RALYL: variants seen among roughly 807,000 people sequenced by gnomAD.
RALYL encodes the protein RALY RNA binding protein like, also known as RNA-binding Raly-like protein.
Under a neutral mutation model 35.1 loss-of-function variants are expected in RALYL, and 29 were observed. The ratio of observed to expected loss-of-function variants is 0.83; its 90% CI spans 0.61 to 1.13. The LOEUF (loss-of-function observed/expected upper bound fraction) is 1.13, where lower values mean the gene tolerates loss of function less well. RALYL is among the 50% of genes most tolerant of loss of function. The pLI is 0.00. For synonymous variants in RALYL, 120 were observed against 127.6 expected (o/e 0.94, Z 0.40); for missense variants, 359 against 360.4 (o/e 1.00, Z 0.03).
At chr8:84,318,828 C>A (rs1844266121) in intron 1 of RALYL, among the ~76,000 whole-genome samples, 1 of 151,986 alleles carries the variant, frequency 6.6e-6, no homozygotes, top group Admixed American at 6.6e-5. Flanking sequence ...GAAGCATGTC[C>A]ATTAGTTTCA....
At chr8:84,865,457 T>C (rs1839005658) in intron 6 of RALYL, among the ~76,000 whole-genome samples, 1 of 152,094 alleles carries the variant, frequency 6.6e-6, no homozygotes, top group Admixed American at 6.6e-5. Context: ...ATAAAGAAAA[T>C]ATATTAATGT....
At chr8:84,909,274 G>A (rs1056500046) in intron 8 of RALYL, among the ~76,000 whole-genome samples, 1 of 152,130 alleles carries the variant, frequency 6.6e-6, no homozygotes, top group Admixed American at 6.6e-5. Flanking sequence ...GAAGCTGCCA[G>A]GCTAGTGCCC....
intron 2 of RALYL, among the ~76,000 whole-genome samples, chr8:84,762,737 C>G (rs1388752955): frequency 6.6e-6 from 1 of 152,088 alleles, no homozygotes; most frequent in Non-Finnish European, 1.5e-5. Context: ...TAATAAGACC[C>G]ACACCACAAG....
intron 1 of RALYL, among the ~76,000 whole-genome samples, chr8:84,453,968 A>C (rs2133242810): frequency 6.6e-6 from 1 of 152,152 alleles, no homozygotes; most frequent in East Asian, 1.9e-4. Context: ...TCAAACATGA[A>C]AGGTGGGCAG....
chr8:84,441,912 G>A (rs940896749), intron 1 of RALYL, among the ~76,000 whole-genome samples: 2 of 151,954 alleles, frequency 1.3e-5, no homozygotes, highest in African/African-American at 4.8e-5. Flanking sequence ...TCCTCTCTGG[G>A]TTATAATTTA....
At chr8:84,516,332 AC>A (rs1166477388) in intron 1 of RALYL, among the ~76,000 whole-genome samples, 3 of 152,004 alleles carry the variant, frequency 2.0e-5, no homozygotes, top group African/African-American at 4.8e-5. Context: ...AGAGATATAC[AC>A]CAGAAGTATT....
intron 1 of RALYL, among the ~76,000 whole-genome samples, chr8:84,356,383 A>G (rs545403278): frequency 6.6e-5 from 10 of 150,552 alleles, no homozygotes; most frequent in South Asian, 2.1e-4. Flanking sequence ...TATCAAGAAG[A>G]TCAAGAGGGT....
intron 2 of RALYL, among the ~76,000 whole-genome samples, chr8:84,720,166 A>G (rs917608297): frequency 1.3e-5 from 2 of 152,112 alleles, no homozygotes; most frequent in African/African-American, 4.8e-5. Flanking sequence ...ATCTTAAAAA[A>G]TGTGTATGGA....
intron 4 of RALYL, among the ~76,000 whole-genome samples, chr8:84,843,750 G>T (rs899431367): frequency 1.2e-4 from 19 of 152,118 alleles, no homozygotes; most frequent in Admixed American, 1.3e-4. Context: ...AAACAGCCTG[G>T]TACTGGTACC....
intron 2 of RALYL, among the ~76,000 whole-genome samples, chr8:84,642,354 G>A (rs934195888): frequency 6.6e-6 from 1 of 151,064 alleles, no homozygotes; most frequent in African/African-American, 2.5e-5. Flanking sequence ...GGCAATTTGT[G>A]GGGTTTTTTT....
In RALYL at chr8:84,827,282, T is replaced by C. The variant is rs1173436021; in HGVS notation, c.365+22480T>C. On this transcript the variant is annotated intron_variant, in intron 4 of 8. Coordinates refer to ENST00000521268, the MANE Select transcript of RALYL (RefSeq NM_173848.7). The stretch of plus-strand genomic sequence containing the variant: ...TCAATCAGAATACAAGAAAATATCC[T>C]AAAACTGAAAGATACGAGTTTTCTA... Among the ~76,000 whole-genome samples the C allele has an allele frequency of 3.3e-5, 5 of 152,214 alleles. No homozygotes were observed. In the South Asian group the frequency reaches 1.0e-3, roughly 32 times the overall value.
intron 1 of RALYL, among the ~76,000 whole-genome samples, chr8:84,489,217 T>G (rs1564020869): frequency 6.6e-6 from 1 of 152,090 alleles, no homozygotes; most frequent in Non-Finnish European, 1.5e-5. Flanking sequence ...TCTTTCTTTT[T>G]CCTTTTCTTC....
intron 1 of RALYL, among the ~76,000 whole-genome samples, chr8:84,357,330 G>T (rs1852031767): frequency 6.6e-6 from 1 of 151,980 alleles, no homozygotes; most frequent in Non-Finnish European, 1.5e-5. Context: ...TGATTTCCTT[G>T]ATTTTGAGTG....
At chr8:84,267,833 T>C (rs939546745) in intron 1 of RALYL, among the ~76,000 whole-genome samples, 1 of 152,208 alleles carries the variant, frequency 6.6e-6, no homozygotes, top group Non-Finnish European at 1.5e-5. Context: ...TTGTTGTTGT[T>C]GTTTTTAAAG....
At chr8:84,282,328 C>T (rs1029791889) in intron 1 of RALYL, among the ~76,000 whole-genome samples, 10 of 151,626 alleles carry the variant, frequency 6.6e-5, no homozygotes, top group Non-Finnish European at 1.5e-4. Context: ...GTCCTTATTA[C>T]TTTTGTTCTC....
intron 1 of RALYL, among the ~76,000 whole-genome samples, chr8:84,498,373 T>C (rs2056313255): frequency 6.6e-6 from 1 of 152,102 alleles, no homozygotes; most frequent in Non-Finnish European, 1.5e-5. Flanking sequence ...TTATATTCAA[T>C]GCCATTTCCT....
intron 3 of RALYL, among the ~76,000 whole-genome samples, chr8:84,785,745 G>A (rs770882007): frequency 3.3e-5 from 5 of 152,078 alleles, no homozygotes; most frequent in Non-Finnish European, 2.9e-5. Context: ...ATATTAAGCA[G>A]TAATGGGTAT....
intron 4 of RALYL, among the ~76,000 whole-genome samples, chr8:84,837,717 C>T (rs1832303735): frequency 6.6e-6 from 1 of 152,090 alleles, no homozygotes; most frequent in African/African-American, 2.4e-5. Flanking sequence ...TCTGATTCCC[C>T]ATTACATCTT....
intron 2 of RALYL, among the ~76,000 whole-genome samples, chr8:84,587,693 A>G (rs1364072045): frequency 6.6e-6 from 1 of 152,214 alleles, no homozygotes; most frequent in Non-Finnish European, 1.5e-5. Flanking sequence ...TAAATTAAAT[A>G]TTTATATGAA....
Sources: allele counts gnomAD v4.1 joint callset (sites outside exome capture counted in the v4.1 genomes callset), GRCh38; gene constraint gnomAD v4.1.1; transcripts MANE v1.5; gene names NCBI Gene and HGNC (gene_info 2026-07-23, HGNC 2026-07-21).